Variants in DSG4 observed in about 807,000 individuals in gnomAD.
DSG4 encodes desmoglein 4.
A neutral mutation model predicts 93.1 loss-of-function variants in DSG4; 87 were observed. The observed-to-expected ratio is 0.93, with a 90% CI of 0.79 to 1.12. The LOEUF (loss-of-function observed/expected upper bound fraction) is 1.12. DSG4 is among the 50% of genes most tolerant of loss of function. DSG4 has a pLI of 0.00. For missense variants in DSG4, 1,373 were observed against 1,285.7 expected (o/e 1.07, Z -1.04); for synonymous variants, 432 against 452.9 (o/e 0.95, Z 0.59).
chr18:31,401,850 T>G (rs2072371662), intron 10 of DSG4, among the ~76,000 whole-genome samples: 1 of 152,214 alleles, frequency 6.6e-6, no homozygotes, highest in Middle Eastern at 3.4e-3. Flanking sequence ...AAAACAAAAA[T>G]AAAGATAAAG....
At chr18:31,407,772 A>G (rs1287128802) in intron 12 of DSG4, among the ~76,000 whole-genome samples, 1 of 152,240 alleles carries the variant, frequency 6.6e-6, no homozygotes, top group Non-Finnish European at 1.5e-5. Flanking sequence ...TTTTCCCAGA[A>G]TATAACTCTA....
chr18:31,387,117 C>A (rs1012604711), intron 3 of DSG4, among the ~76,000 whole-genome samples: 1 of 152,152 alleles, frequency 6.6e-6, no homozygotes, highest in Non-Finnish European at 1.5e-5. Context: ...AACGTATTCA[C>A]ATAGTGACAG....
At chr18:31,400,349 G>GA (rs1332490540) in intron 9 of DSG4, among the ~76,000 whole-genome samples, 1 of 152,178 alleles carries the variant, frequency 6.6e-6, no homozygotes. Flanking sequence ...CTGAAGACTT[G>GA]AAATTGTGCC....
In DSG4 at chr18:31,410,789, C is replaced by T. The variant is rs1012178272; in HGVS notation, c.2138-442C>T. On this transcript the variant is annotated intron_variant, in intron 14 of 15. Transcript: ENST00000308128. The stretch of plus-strand genomic sequence containing the variant: ...GCTTGGCCCTTTGTATGCAAAGAAA[C>T]TCCGTGACTGAACATCCCTGTGAGC... Among the ~76,000 whole-genome samples the T allele has an allele frequency of 3.9e-5, 6 of 152,298 alleles. No homozygotes were observed. The South Asian group carries it at 1.2e-3, about 32-fold the overall frequency.
At chr18:31,393,982 G>T (rs1198596131) in intron 8 of DSG4, among the ~76,000 whole-genome samples, 1 of 152,170 alleles carries the variant, frequency 6.6e-6, no homozygotes, top group African/African-American at 2.4e-5. Context: ...GACTCAAAGA[G>T]TATATCATGG....
At position 31,406,357 on chromosome 18, in the gene DSG4, C is replaced by T. The variant is rs2072426847; in HGVS notation, c.1917C>T (p.Gly639=). 1 of 1,614,038 alleles carries T rather than the reference C, an allele frequency of 6.2e-7. No individual in the cohort carries two copies. Among genetic ancestry groups the T allele is most frequent in the Non-Finnish European group, 8.5e-7 (1 of 1,180,044 alleles). The change falls in exon 12 of 16, where the codon GGC becomes GGT. Residue 639 remains glycine (G), a synonymous_variant. Transcript: ENST00000308128. Reference sequence around the variant, plus strand: ...CAGGGATTGGCATGATGGTTCTGGGCATCCTGCTACTGATTTGTAAGTACT... The same window carrying T: ...CAGGGATTGGCATGATGGTTCTGGGTATCCTGCTACTGATTTGTAAGTACT... ...GPAGIGMMVL[G]ILLLILAPLL...
intron 14 of DSG4, 43 bp downstream of exon 14, chr18:31,409,851 A>T: frequency 6.2e-7 from 1 of 1,608,132 alleles, no homozygotes. Flanking sequence ...AAATTTTTCA[A>T]AATTATTCAA....
intron 1 of DSG4, among the ~76,000 whole-genome samples, chr18:31,379,642 T>C (rs1320725786): frequency 6.6e-6 from 1 of 152,216 alleles, no homozygotes; most frequent in African/African-American, 2.4e-5. Flanking sequence ...AGTCTAATTC[T>C]TGGAAGTTAA....
chr18:31,402,903 G>A (rs2072383942), intron 10 of DSG4, among the ~76,000 whole-genome samples: 1 of 152,148 alleles, frequency 6.6e-6, no homozygotes, highest in African/African-American at 2.4e-5. Context: ...GAAATAGCAT[G>A]TAACAGATGC....
chr18:31,413,207 G>A lies in DSG4; in HGVS notation c.2735G>A (p.Gly912Asp), dbSNP rs746385171. The A allele has an allele frequency of 7.8e-5, 126 of 1,614,008 alleles. No homozygotes were observed. Among genetic ancestry groups the A allele is most frequent in the Non-Finnish European group, 1.0e-4 (119 of 1,180,030 alleles). ...GATATTATTGTGACTGAGACTTACG[G>A]TAATGCTGATCCATGTGTGCAACCC... ...HGDIIVTETYGNADPCVQPTT... is the reference protein window; with the variant it reads ...HGDIIVTETYDNADPCVQPTT... Residue 912 changes from glycine to aspartate, a missense_variant, in exon 16 of 16, where the codon GGT becomes GAT. Transcript: ENST00000308128.
At chr18:31,393,336 G>A (rs867851461) in intron 8 of DSG4, among the ~76,000 whole-genome samples, 12 of 152,270 alleles carry the variant, frequency 7.9e-5, no homozygotes, top group Middle Eastern at 6.8e-3. Context: ...TAATAGCTGA[G>A]ACTGGGTAAT....
At chr18:31,396,613 C>T (rs964825376) in intron 8 of DSG4, among the ~76,000 whole-genome samples, 3 of 152,100 alleles carry the variant, frequency 2.0e-5, no homozygotes, top group African/African-American at 4.8e-5. Flanking sequence ...ACCTCAGCTT[C>T]GCACAGTGCT....
At chr18:31,407,804 G>C (rs535704508) in intron 12 of DSG4, among the ~76,000 whole-genome samples, 1 of 152,118 alleles carries the variant, frequency 6.6e-6, no homozygotes, top group Admixed American at 6.5e-5. Flanking sequence ...TAGTGGTTTC[G>C]GGTAAGCTTT....
intron 5 of DSG4, among the ~76,000 whole-genome samples, chr18:31,389,481 A>G (rs956358928): frequency 2.0e-5 from 3 of 152,164 alleles, no homozygotes; most frequent in Non-Finnish European, 4.4e-5. Context: ...ATAGCAAACT[A>G]CATTCTATTC....
intron 9 of DSG4, among the ~76,000 whole-genome samples, chr18:31,400,432 T>A (rs558051196): frequency 5.3e-4 from 81 of 152,192 alleles, no homozygotes; most frequent in Admixed American, 1.7e-3. Context: ...ATCCAGATAG[T>A]CACACTGAAC....
rs1042054059 is a variant in DSG4 at position 31,409,309 on chromosome 18, A to G, written c.1934-143A>G. The G allele has an allele frequency of 6.2e-5, 78 of 1,263,188 alleles. No individual in the cohort carries two copies. The African/African-American group carries it at 1.1e-3, about 17-fold the overall frequency. The allele number at this position is 1,263,188 out of a possible 1,614,324, so 78.2% of individuals were successfully genotyped here. A position where few individuals can be genotyped will look rare whatever the true frequency, so the allele number is the denominator to read the frequency against. ...TGGATATGTATACTCAATCCCCTAA[A>G]GGAAAAAAATGAGATTTTCTTACAT... On this transcript the variant is annotated intron_variant, in intron 12 of 15. Transcript: ENST00000308128.
At chr18:31,403,669 A>C in intron 11 of DSG4, 35 bp downstream of exon 11, 1 of 1,603,446 alleles carries the variant, frequency 6.2e-7, no homozygotes. Context: ...TTGGACTTTA[A>C]GTCCAAAAGC....
At chr18:31,397,697 T>C (rs1485258438) in intron 8 of DSG4, among the ~76,000 whole-genome samples, 1 of 152,106 alleles carries the variant, frequency 6.6e-6, no homozygotes, top group Non-Finnish European at 1.5e-5. Flanking sequence ...TTTGTGTATA[T>C]ACATAAGAAA....
At chr18:31,403,107 G>A (rs745539845) in intron 10 of DSG4, among the ~76,000 whole-genome samples, 2 of 152,066 alleles carry the variant, frequency 1.3e-5, no homozygotes, top group African/African-American at 4.8e-5. Context: ...TTGATTTTGC[G>A]CCTTAGGATG....
Sources: gnomAD v4.1 joint callset for allele counts (sites outside exome capture counted in the v4.1 genomes callset) on GRCh38, gnomAD v4.1.1 for gene constraint, MANE v1.5 for transcripts, NCBI Gene and HGNC (gene_info 2026-07-23, HGNC 2026-07-21) for gene names.